Variants in ARHGAP32 observed in about 807,000 individuals in gnomAD.
ARHGAP32 encodes Rho GTPase activating protein 32, also known as rho GTPase-activating protein 32.
ARHGAP32 carries 51 observed loss-of-function variants against 186.5 expected under a neutral mutation model. The observed-to-expected ratio is 0.27, with a 90% CI of 0.22 to 0.35. The LOEUF is 0.35. ARHGAP32 is among the 10% of genes least tolerant of loss of function. The probability of loss-of-function intolerance (pLI) is 1.00; values close to 1 mark genes in which losing one functional copy is unlikely to be tolerated. For missense variants in ARHGAP32, 2,186 were observed against 2,623.5 expected (o/e 0.83, Z 3.64); for synonymous variants, 950 against 964.3 (o/e 0.99, Z 0.27).
intron 1 of ARHGAP32, among the ~76,000 whole-genome samples, chr11:129,202,011 T>C (rs1350783393): frequency 1.3e-5 from 2 of 152,116 alleles, no homozygotes; most frequent in South Asian, 2.1e-4. Flanking sequence ...TCTGTGTCTC[T>C]ATTTATTTAT....
At chr11:129,102,218 G>C (rs1054919311) in intron 5 of ARHGAP32, among the ~76,000 whole-genome samples, 30 of 152,146 alleles carry the variant, frequency 2.0e-4, no homozygotes, top group Non-Finnish European at 5.9e-5. Flanking sequence ...ATATGGAAAA[G>C]AAAAACTGTT....
At chr11:129,128,248 T>C (rs1036402468) in intron 2 of ARHGAP32, among the ~76,000 whole-genome samples, 1 of 152,212 alleles carries the variant, frequency 6.6e-6, no homozygotes, top group Non-Finnish European at 1.5e-5. Context: ...TTTTTATTCA[T>C]CTTTTAATGC....
chr11:129,179,010 T>A (rs1222883373), intron 1 of ARHGAP32, among the ~76,000 whole-genome samples: 3 of 151,508 alleles, frequency 2.0e-5, no homozygotes, highest in African/African-American at 7.3e-5. Context: ...ACAGGCAACC[T>A]ACAAAATGGG....
At chr11:129,122,814 T>C (rs1173497567) in intron 5 of ARHGAP32, among the ~76,000 whole-genome samples, 2 of 152,072 alleles carry the variant, frequency 1.3e-5, no homozygotes, top group African/African-American at 4.8e-5. Flanking sequence ...TTTTTTTCTA[T>C]TAGCCTAATT....
chr11:129,248,548 C>T (rs1396636256), intron 1 of ARHGAP32, among the ~76,000 whole-genome samples: 4 of 152,192 alleles, frequency 2.6e-5, no homozygotes, highest in Non-Finnish European at 4.4e-5. Context: ...CCTCCTTTTA[C>T]TTAAGCTAAC....
chr11:129,217,051 TTTAC>T (rs1174577658), intron 1 of ARHGAP32, among the ~76,000 whole-genome samples: 2 of 152,208 alleles, frequency 1.3e-5, no homozygotes, highest in Non-Finnish European at 2.9e-5. Context: ...GTTCTAAATC[TTTAC>T]TTAATTTTTG....
At chr11:129,115,395 C>A (rs1459145410) in intron 5 of ARHGAP32, among the ~76,000 whole-genome samples, 1 of 152,076 alleles carries the variant, frequency 6.6e-6, no homozygotes, top group African/African-American at 2.4e-5. Flanking sequence ...AAGCTAGAGA[C>A]CTACAAGCAT....
intron 1 of ARHGAP32, among the ~76,000 whole-genome samples, chr11:129,251,737 A>T (rs1278424934): frequency 3.3e-5 from 5 of 151,340 alleles, no homozygotes; most frequent in South Asian, 4.2e-4. Flanking sequence ...CATCCAGGCC[A>T]ACACGGTGAA....
chr11:128,990,451 C>G (rs1489195706), intron 12 of ARHGAP32, among the ~76,000 whole-genome samples: 1 of 152,104 alleles, frequency 6.6e-6, no homozygotes, highest in Non-Finnish European at 1.5e-5. Flanking sequence ...GCCCTGAGAG[C>G]CTGAAATGGT....
chr11:129,020,822 A>G (rs1938561898), intron 11 of ARHGAP32, among the ~76,000 whole-genome samples: 1 of 152,074 alleles, frequency 6.6e-6, no homozygotes, highest in Middle Eastern at 3.2e-3. Flanking sequence ...ATTTTAATGT[A>G]CTACAAAGCT....
intron 1 of ARHGAP32, among the ~76,000 whole-genome samples, chr11:129,275,943 A>G (rs2135734834): frequency 6.6e-6 from 1 of 152,364 alleles, no homozygotes; most frequent in East Asian, 1.9e-4. Context: ...CAAATCATTA[A>G]CTTGTAACCT....
At chr11:129,172,792 A>C (rs530313334) in intron 1 of ARHGAP32, among the ~76,000 whole-genome samples, 1 of 152,298 alleles carries the variant, frequency 6.6e-6, no homozygotes, top group South Asian at 2.1e-4. Context: ...GACACAGCTA[A>C]AGCAGTGTTA....
At chr11:129,152,794 C>A (rs1314648981) in intron 2 of ARHGAP32, among the ~76,000 whole-genome samples, 1 of 152,058 alleles carries the variant, frequency 6.6e-6, no homozygotes, top group Non-Finnish European at 1.5e-5. Context: ...TGAATAGGGA[C>A]AAGCTGAAAG....
intron 6 of ARHGAP32, among the ~76,000 whole-genome samples, chr11:129,080,314 T>C (rs925258519): frequency 1.3e-5 from 2 of 152,094 alleles, no homozygotes; most frequent in South Asian, 4.1e-4. Flanking sequence ...TTTTCATCAG[T>C]ATATGGATCA....
In ARHGAP32 at chr11:128,974,384, C is replaced by A. The variant is rs764834918; in HGVS notation, c.2813G>T (p.Gly938Val). ...CTGAGCTGTGGTATTTGAGACTGTA[C>A]CAATGACTTCTGACACCCGTGGTGG... ...TLPPRVSEVI[G>V]TVSNTTAQNA... Residue 938 changes from glycine (G) to valine (V), a missense_variant, in exon 21 of 23, where the codon GGT (glycine) becomes GTT (valine). Coordinates refer to ENST00000682385, the MANE Select transcript of ARHGAP32 (RefSeq NM_001378024.1). 2 of 1,614,164 alleles carry A rather than the reference C, an allele frequency of 1.2e-6. No individual in the cohort carries two copies. The highest frequency in any genetic ancestry group is 3.3e-5 in the Admixed American group (2 of 60,030).
intron 10 of ARHGAP32, among the ~76,000 whole-genome samples, chr11:129,046,961 A>T (rs963045128): frequency 1.3e-5 from 2 of 150,444 alleles, no homozygotes; most frequent in African/African-American, 2.4e-5. Flanking sequence ...CGTCTCTACT[A>T]AAAAAAAATA....
chr11:129,231,558 C>A (rs1012794374), intron 1 of ARHGAP32, among the ~76,000 whole-genome samples: 1 of 152,142 alleles, frequency 6.6e-6, no homozygotes, highest in African/African-American at 2.4e-5. Context: ...TTCTAGCTCT[C>A]CGACATCTTA....
chr11:129,222,346 A>T (rs1043538264), intron 1 of ARHGAP32, among the ~76,000 whole-genome samples: 4 of 152,164 alleles, frequency 2.6e-5, no homozygotes, highest in Non-Finnish European at 5.9e-5. Flanking sequence ...CAATAGGTTC[A>T]GACAGGTTAA....
chr11:129,052,527 A>G (rs1591569533), intron 10 of ARHGAP32, among the ~76,000 whole-genome samples: 1 of 152,090 alleles, frequency 6.6e-6, no homozygotes, highest in Admixed American at 6.5e-5. Context: ...TAAAAACAGT[A>G]TATCTCTCCA....
Sources: gnomAD v4.1 joint callset for allele counts (sites outside exome capture counted in the v4.1 genomes callset) on GRCh38, gnomAD v4.1.1 for gene constraint, MANE v1.5 for transcripts, NCBI Gene and HGNC (gene_info 2026-07-23, HGNC 2026-07-21) for gene names.